ADAMTS17: variants seen among roughly 807,000 people sequenced by gnomAD.
The protein encoded by ADAMTS17 is A disintegrin and metalloproteinase with thrombospondin motifs 17.
Under a neutral mutation model 141.5 loss-of-function variants are expected in ADAMTS17, and 113 were observed. That is an observed-to-expected ratio of 0.80 (90% CI 0.69 to 0.93). The LOEUF (loss-of-function observed/expected upper bound fraction) is 0.93. ADAMTS17 is among the 40% of genes least tolerant of loss of function. The pLI is 0.00. For synonymous variants in ADAMTS17, 768 were observed against 630.6 expected (o/e 1.22, Z -3.27); for missense variants, 1,659 against 1,517.9 (o/e 1.09, Z -1.54).
chr15:99,993,087 G>A lies in ADAMTS17; in HGVS notation c.2910C>T (p.Tyr970=), dbSNP rs2060723553. ...RPRAEEACED[Y]SGCYEWKTGD... ...CAGTTTTCCACTCGTAGCAGCCTGA[G>A]TAGTCCTCGCAGGCCTCCTCGGCTC... Residue 970 remains tyrosine (Y), a synonymous_variant, in exon 20 of 22, where the codon TAC becomes TAT. Coordinates refer to ENST00000268070, the MANE Select transcript of ADAMTS17 (RefSeq NM_139057.4). This position sits in a 1 kb window ranked among gnomAD's most constrained non-coding sequence, Gnocchi z 4.3. 1 of 1,614,172 alleles carries A rather than the reference G, an allele frequency of 6.2e-7. No homozygotes were observed. Among genetic ancestry groups the A allele is most frequent in the South Asian group, 1.1e-5 (1 of 91,080 alleles).
At chr15:100,104,648 A>C (rs2036310872) in intron 14 of ADAMTS17, among the ~76,000 whole-genome samples, 1 of 152,226 alleles carries the variant, frequency 6.6e-6, no homozygotes, top group Non-Finnish European at 1.5e-5. Context: ...AAACCACGGC[A>C]ATATTTCTGT....
At chr15:100,316,413 G>A (rs898628324) in intron 3 of ADAMTS17, among the ~76,000 whole-genome samples, 1 of 152,212 alleles carries the variant, frequency 6.6e-6, no homozygotes, top group African/African-American at 2.4e-5. Context: ...GCCATCCGTG[G>A]GTCACGTCTG....
At chr15:100,037,353 T>C (rs1295076134) in intron 18 of ADAMTS17, among the ~76,000 whole-genome samples, 1 of 152,242 alleles carries the variant, frequency 6.6e-6, no homozygotes, top group Non-Finnish European at 1.5e-5. Context: ...CAGTTTTCAA[T>C]TAGGTTCTGT....
intron 15 of ADAMTS17, among the ~76,000 whole-genome samples, chr15:100,071,041 T>TA (rs1288603248): frequency 3.3e-5 from 5 of 149,708 alleles, no homozygotes; most frequent in African/African-American, 1.2e-4. Flanking sequence ...ATAGATGCAA[T>TA]AAAAAATGAT....
At position 100,038,533 on chromosome 15, in the gene ADAMTS17, A is replaced by G. The variant is rs138220450; in HGVS notation, c.2591+10324T>C. ...GAGATATTTTTGTAGTTTTCAGAAT[A>G]TGTTTTAAAATTCTTTTATTAAATT... On this transcript the variant is annotated intron_variant, in intron 18 of 21. Coordinates refer to ENST00000268070, the MANE Select transcript of ADAMTS17 (RefSeq NM_139057.4). 3.2e-4 allele frequency among the ~76,000 whole-genome samples: 49 copies of G among 152,312 alleles called. 1 individual carries two copies. The highest frequency in any genetic ancestry group is 1.1e-3 in the African/African-American group (47 of 41,574).
chr15:100,145,086 T>C (rs981953870), intron 10 of ADAMTS17, among the ~76,000 whole-genome samples: 2 of 152,190 alleles, frequency 1.3e-5, no homozygotes, highest in South Asian at 2.1e-4. Flanking sequence ...TCTCATAATA[T>C]ACTTAAAGTT....
intron 14 of ADAMTS17, among the ~76,000 whole-genome samples, chr15:100,103,589 C>A (rs914846901): frequency 7.1e-6 from 1 of 141,300 alleles, no homozygotes; most frequent in African/African-American, 2.6e-5. Flanking sequence ...TTTTTCTTTT[C>A]CTTTTTTGAG....
intron 8 of ADAMTS17, among the ~76,000 whole-genome samples, chr15:100,158,166 C>A (rs766597472): frequency 6.6e-6 from 1 of 152,136 alleles, no homozygotes; most frequent in Non-Finnish European, 1.5e-5. Flanking sequence ...GGATTACAGG[C>A]GTCAGCCACT....
chr15:100,057,958 G>C (rs532526650), intron 15 of ADAMTS17, among the ~76,000 whole-genome samples: 1 of 151,834 alleles, frequency 6.6e-6, no homozygotes, highest in African/African-American at 2.4e-5. Flanking sequence ...TTGGAGGTTG[G>C]GTTAAAAAAA....
At chr15:100,293,464 C>T (rs1314488873) in intron 3 of ADAMTS17, among the ~76,000 whole-genome samples, 8 of 152,088 alleles carry the variant, frequency 5.3e-5, no homozygotes, top group Admixed American at 4.6e-4. Context: ...TCTGTACCTG[C>T]CCCATCAAAA....
chr15:100,063,852 C>T, intron 15 of ADAMTS17: 1 of 863,510 alleles, frequency 1.2e-6, no homozygotes, highest in Non-Finnish European at 1.7e-6. Context: ...CTACCAAGCC[C>T]CCCACAGTGG....
At position 100,247,667 on chromosome 15, in the gene ADAMTS17, G is replaced by A. The variant is rs143983462; in HGVS notation, c.1075+6469C>T. 2.6e-5 allele frequency among the ~76,000 whole-genome samples: 4 copies of A among 152,256 alleles called. No individual in the cohort carries two copies. In the East Asian group the frequency reaches 5.8e-4, roughly 22 times the overall value. ...TTCTTACCTAACTGATGACATCACA[G>A]GGTTCACAGCTTCTCTTCCTCTTTG... On this transcript the variant is annotated intron_variant, in intron 7 of 21. Coordinates refer to ENST00000268070, the MANE Select transcript of ADAMTS17 (RefSeq NM_139057.4).
intron 8 of ADAMTS17, among the ~76,000 whole-genome samples, chr15:100,160,614 G>T (rs1160757613): frequency 2.0e-5 from 3 of 152,226 alleles, no homozygotes; most frequent in Non-Finnish European, 2.9e-5. Context: ...TGGCTGTGCT[G>T]TTGGCAACTC....
chr15:100,075,968 T>C (rs2034343838), intron 15 of ADAMTS17, among the ~76,000 whole-genome samples: 1 of 152,198 alleles, frequency 6.6e-6, no homozygotes, highest in Non-Finnish European at 1.5e-5. Context: ...TCACGTTTCA[T>C]CTCTCTTTCT....
At chr15:100,078,378 A>G (rs2034519624) in intron 15 of ADAMTS17, among the ~76,000 whole-genome samples, 1 of 152,220 alleles carries the variant, frequency 6.6e-6, no homozygotes, top group Non-Finnish European at 1.5e-5. Flanking sequence ...CAGCAAGGTA[A>G]TGGCATAAGG....
intron 7 of ADAMTS17, among the ~76,000 whole-genome samples, chr15:100,206,890 C>G (rs905152249): frequency 6.6e-6 from 1 of 152,170 alleles, no homozygotes; most frequent in Non-Finnish European, 1.5e-5. Context: ...GTTTGAATCA[C>G]AGTTATTAGA....
chr15:100,071,382 A>G (rs2033958886), intron 15 of ADAMTS17, among the ~76,000 whole-genome samples: 1 of 149,998 alleles, frequency 6.7e-6, no homozygotes, highest in Admixed American at 6.7e-5. Flanking sequence ...ATCCTCCCTA[A>G]CTCATTTTAT....
At chr15:100,175,795 C>T (rs148623033) in intron 8 of ADAMTS17, among the ~76,000 whole-genome samples, 2 of 152,178 alleles carry the variant, frequency 1.3e-5, no homozygotes, top group African/African-American at 2.4e-5. Flanking sequence ...GAGAGTGCAA[C>T]GGAGCCTGCC....
intron 12 of ADAMTS17, among the ~76,000 whole-genome samples, chr15:100,119,769 T>A (rs1210950331): frequency 1.3e-5 from 2 of 152,148 alleles, no homozygotes; most frequent in African/African-American, 4.8e-5. Flanking sequence ...CCTGACAAAT[T>A]CTCCAACAGG....
Sources: allele counts gnomAD v4.1 joint callset (sites outside exome capture counted in the v4.1 genomes callset), GRCh38; gene constraint gnomAD v4.1.1; non-coding constraint Gnocchi (gnomAD v3.1); transcripts MANE v1.5; gene names NCBI Gene and HGNC (gene_info 2026-07-23, HGNC 2026-07-21).